Variants in KIAA1217 observed in about 807,000 individuals in gnomAD.
The protein encoded by KIAA1217 is KIAA1217, also known as sickle tail protein homolog.
KIAA1217 carries 88 observed loss-of-function variants against 163.9 expected under a neutral mutation model. The ratio of observed to expected loss-of-function variants is 0.54; its 90% CI spans 0.45 to 0.64. KIAA1217 has a LOEUF of 0.64. Ranked by LOEUF, KIAA1217 falls within the 30% of genes least tolerant of loss-of-function variation. KIAA1217 has a pLI of 0.00. For missense variants in KIAA1217, 2,372 were observed against 2,475.0 expected (o/e 0.96, Z 0.88); for synonymous variants, 903 against 923.1 (o/e 0.98, Z 0.39).
chr10:23,742,512 A>G (rs190597748), intron 1 of KIAA1217, among the ~76,000 whole-genome samples: 6 of 152,296 alleles, frequency 3.9e-5, no homozygotes, highest in African/African-American at 9.6e-5. Context: ...GGAGCTTCCA[A>G]TCATGGCAGA....
intron 1 of KIAA1217, among the ~76,000 whole-genome samples, chr10:23,831,961 C>T (rs1181246604): frequency 6.6e-6 from 1 of 152,134 alleles, no homozygotes; most frequent in East Asian, 1.9e-4. Context: ...CAACACAGAA[C>T]ACTTCTGTGA....
intron 2 of KIAA1217, among the ~76,000 whole-genome samples, chr10:24,095,180 C>T (rs941094133): frequency 7.9e-5 from 12 of 152,320 alleles, no homozygotes; most frequent in South Asian, 4.1e-4. Flanking sequence ...TGACCCCTTG[C>T]GCTTCCCGAG....
chr10:24,206,304 A>C (rs939605642), upstream of KIAA1217, among the ~76,000 whole-genome samples: 1 of 152,212 alleles, frequency 6.6e-6, no homozygotes, highest in African/African-American at 2.4e-5. Flanking sequence ...TAAGCCCAGA[A>C]ATTAAATTAA....
At chr10:24,099,588 A>G (rs1367003197) in intron 2 of KIAA1217, among the ~76,000 whole-genome samples, 1 of 141,160 alleles carries the variant, frequency 7.1e-6, no homozygotes, top group Non-Finnish European at 1.5e-5. Flanking sequence ...TATATATATT[A>G]TATATATATA....
intron 2 of KIAA1217, among the ~76,000 whole-genome samples, chr10:24,085,459 T>A (rs921812634): frequency 1.1e-4 from 16 of 152,100 alleles, no homozygotes; most frequent in African/African-American, 3.6e-4. Context: ...TGCCTTCTGG[T>A]CTTCAGTGCA....
intron 2 of KIAA1217, among the ~76,000 whole-genome samples, chr10:24,295,131 G>A (rs1483944079): frequency 1.3e-5 from 2 of 152,200 alleles, no homozygotes; most frequent in Admixed American, 1.3e-4. Context: ...AATGAAAAAT[G>A]ACTGAGTATT....
At chr10:24,042,343 C>T (rs774033685) in intron 2 of KIAA1217, 2 of 151,798 alleles carry the variant, frequency 1.3e-5, no homozygotes, top group Non-Finnish European at 2.9e-5. Flanking sequence ...TCTAAGCTGC[C>T]ATCAGCTAGG....
At chr10:23,929,830 G>A (rs1938049) in intron 1 of KIAA1217, among the ~76,000 whole-genome samples, 34,445 of 152,132 alleles carry the variant, frequency 0.23, 8,252 homozygotes, top group African/African-American at 0.61. Flanking sequence ...CAGTGATGGG[G>A]TTGCTGGGTC....
At chr10:24,326,067 G>C (rs544611800) in intron 2 of KIAA1217, among the ~76,000 whole-genome samples, 2 of 152,218 alleles carry the variant, frequency 1.3e-5, no homozygotes, top group African/African-American at 4.8e-5. Context: ...ATCACTCCAG[G>C]ACCGTCTAAA....
intron 2 of KIAA1217, among the ~76,000 whole-genome samples, chr10:24,321,796 T>A (rs187804335): frequency 1.3e-5 from 2 of 152,246 alleles, no homozygotes; most frequent in Non-Finnish European, 1.5e-5. Context: ...TCAATGGGTG[T>A]GCAGTTTCAG....
intron 2 of KIAA1217, among the ~76,000 whole-genome samples, chr10:24,272,589 A>G (rs909437820): frequency 1.3e-5 from 2 of 152,188 alleles, no homozygotes; most frequent in Admixed American, 1.3e-4. Flanking sequence ...CTCAAACTCA[A>G]TGTACATAAC....
chr10:23,913,528 G>A (rs1842520979), intron 1 of KIAA1217, among the ~76,000 whole-genome samples: 1 of 152,040 alleles, frequency 6.6e-6, no homozygotes, highest in Non-Finnish European at 1.5e-5. Flanking sequence ...AAAGCAAGGG[G>A]GAGTGAGAAG....
At chr10:24,281,700 A>G (rs1314419708) in intron 2 of KIAA1217, among the ~76,000 whole-genome samples, 1 of 152,094 alleles carries the variant, frequency 6.6e-6, no homozygotes, top group African/African-American at 2.4e-5. Context: ...TAGGGTTAAT[A>G]TGTTTTTGGA....
At chr10:24,301,419 C>T (rs769156968) in intron 2 of KIAA1217, among the ~76,000 whole-genome samples, 16 of 152,198 alleles carry the variant, frequency 1.1e-4, no homozygotes, top group Non-Finnish European at 2.1e-4. Flanking sequence ...TGAGTGACTT[C>T]AAGCTGAAGG....
chr10:24,096,443 T>C (rs12263629), intron 2 of KIAA1217, among the ~76,000 whole-genome samples: 20,703 of 152,226 alleles, frequency 0.14, 3,315 homozygotes, highest in African/African-American at 0.39. Context: ...CTCCTTCACG[T>C]TGCAGCTGGG....
intron 16 of KIAA1217, among the ~76,000 whole-genome samples, chr10:24,534,775 G>A (rs2073723700): frequency 6.6e-6 from 1 of 151,772 alleles, no homozygotes; most frequent in Non-Finnish European, 1.5e-5. Flanking sequence ...CAGCTACTCG[G>A]GAGGCTGAGA....
rs781431965 is a variant in KIAA1217, at chr10:24,380,848, T to C, written c.355-21T>C. 3.4e-6 allele frequency: 5 copies of C among 1,483,966 alleles called. No individual in the cohort carries two copies. In the South Asian group the frequency reaches 4.2e-5, roughly 13 times the overall value. 91.9% of individuals were successfully genotyped at this position (1,483,966 alleles called of 1,614,324 possible). On this transcript the variant is annotated intron_variant, in intron 2 of 20. Transcript: ENST00000376454. ...TTAATAATAGTCTATTTTCCCACTT[T>C]CTTTAAAATGCCTTTTGCAGACAAG...
At chr10:24,384,965 A>C (rs1474971111) in intron 3 of KIAA1217, among the ~76,000 whole-genome samples, 1 of 152,202 alleles carries the variant, frequency 6.6e-6, no homozygotes, top group African/African-American at 2.4e-5. Flanking sequence ...ATGTAACCCC[A>C]GGAGCATCAG....
At chr10:23,921,681 C>T (rs1357444953) in intron 1 of KIAA1217, among the ~76,000 whole-genome samples, 3 of 152,036 alleles carry the variant, frequency 2.0e-5, no homozygotes, top group Admixed American at 2.0e-4. Flanking sequence ...GGAGGGTGTT[C>T]AGGGATGAGC....
Sources: allele counts gnomAD v4.1 joint callset (sites outside exome capture counted in the v4.1 genomes callset), GRCh38; gene constraint gnomAD v4.1.1; transcripts MANE v1.5; gene names NCBI Gene and HGNC (gene_info 2026-07-23, HGNC 2026-07-21).